Variants in IL4R observed in about 807,000 individuals in gnomAD.
The protein encoded by IL4R is interleukin 4 receptor, also known as interleukin-4 receptor subunit alpha.
A neutral mutation model predicts 41.5 loss-of-function variants in IL4R; 17 were observed. The ratio of observed to expected loss-of-function variants is 0.41; its 90% CI spans 0.28 to 0.61. The LOEUF (loss-of-function observed/expected upper bound fraction) is 0.61. IL4R is among the 20% of genes least tolerant of loss of function. IL4R has a pLI of 0.31. For synonymous variants in IL4R, 402 were observed against 422.9 expected (o/e 0.95, Z 0.61); for missense variants, 974 against 1,043.1 (o/e 0.93, Z 0.91).
intron 2 of IL4R, among the ~76,000 whole-genome samples, chr16:27,331,747 G>A (rs918073325): frequency 6.6e-6 from 1 of 151,916 alleles, no homozygotes; most frequent in East Asian, 1.9e-4. Flanking sequence ...TGGATCTGTC[G>A]ATTACCAAAA....
At chr16:27,356,093 T>C (rs145435809) in intron 8 of IL4R, among the ~76,000 whole-genome samples, 186 bp downstream of exon 8, 77,018 of 121,220 alleles carry the variant, frequency 0.64, 24,682 homozygotes, top group East Asian at 0.82. Flanking sequence ...TCTTTTTTTT[T>C]TTTTTTTTTT....
Position 27,363,383 on chromosome 16 carries a change from C to T in IL4R, c.2031C>T (p.His677=), listed in dbSNP as rs756383265. The change falls in exon 11 of 11, where the codon CAC becomes CAT. Residue 677 remains histidine (H), a synonymous_variant. Transcript: ENST00000395762. Reference sequence around the variant, plus strand: ...ATCTCCCAAGCAGCTCCCCAGAGCACCTGGGTCTGGAGCCGGGGGAAAAGG... The same window carrying T: ...ATCTCCCAAGCAGCTCCCCAGAGCATCTGGGTCTGGAGCCGGGGGAAAAGG... ...SSHLPSSSPE[H]LGLEPGEKVE... is the part of the protein sequence containing the mutation. The T allele has an allele frequency of 1.2e-6, 2 of 1,614,152 alleles. No individual in the cohort carries two copies. The highest frequency in any genetic ancestry group is 1.7e-5 in the Admixed American group (1 of 60,028).
intron 6 of IL4R, among the ~76,000 whole-genome samples, chr16:27,349,225 G>GC (rs1157638042): frequency 6.6e-6 from 1 of 152,190 alleles, no homozygotes; most frequent in Non-Finnish European, 1.5e-5. Context: ...GCAGGCAGTG[G>GC]AGTTCTGTCC....
At chr16:27,314,932 C>A (rs1333216732) in intron 1 of IL4R, among the ~76,000 whole-genome samples, 1 of 152,160 alleles carries the variant, frequency 6.6e-6, no homozygotes, top group Non-Finnish European at 1.5e-5. Context: ...CCTCGGCCTC[C>A]CAAAATGCTG....
intron 4 of IL4R, among the ~76,000 whole-genome samples, chr16:27,342,640 T>A (rs1034053215): frequency 5.3e-5 from 8 of 152,296 alleles, no homozygotes; most frequent in African/African-American, 1.7e-4. Context: ...GTGTAATTTT[T>A]AAAAAATTAA....
chr16:27,361,395 G>A (rs1002826821), intron 10 of IL4R, among the ~76,000 whole-genome samples: 13 of 151,886 alleles, frequency 8.6e-5, no homozygotes, highest in Admixed American at 2.0e-4. Context: ...TGCAGTGAGC[G>A]CAGATTGTGC....
intron 6 of IL4R, among the ~76,000 whole-genome samples, chr16:27,349,655 C>T (rs2085793996): frequency 6.6e-6 from 1 of 152,196 alleles, no homozygotes; most frequent in Admixed American, 6.5e-5. Flanking sequence ...GCCCTGAATG[C>T]CTGCCTCATA....
chr16:27,316,748 G>A (rs1249984938), intron 1 of IL4R, among the ~76,000 whole-genome samples: 2 of 152,172 alleles, frequency 1.3e-5, no homozygotes, highest in Admixed American at 6.5e-5. Context: ...TGGCTTTGCT[G>A]CTTACTGTGT....
chr16:27,317,606 G>A (rs1406692427), intron 1 of IL4R, among the ~76,000 whole-genome samples: 1 of 152,088 alleles, frequency 6.6e-6, no homozygotes, highest in African/African-American at 2.4e-5. Flanking sequence ...TGTCAGACCG[G>A]GTGCATCACC....
chr16:27,355,755 C>T (rs965587580), intron 7 of IL4R, 53 bp from the exon 8 acceptor site: 86 of 1,318,040 alleles, frequency 6.5e-5, no homozygotes, highest in Non-Finnish European at 8.8e-5. Context: ...GGAAGTGGAG[C>T]CCAGGCTGTA....
At chr16:27,321,853 G>A (rs947192316) in intron 1 of IL4R, among the ~76,000 whole-genome samples, 1 of 152,092 alleles carries the variant, frequency 6.6e-6, no homozygotes, top group Non-Finnish European at 1.5e-5. Context: ...GAGACAGATA[G>A]AATTTTTTAA....
At chr16:27,325,645 A>C (rs2084935999) in intron 1 of IL4R, among the ~76,000 whole-genome samples, 1 of 152,142 alleles carries the variant, frequency 6.6e-6, no homozygotes, top group South Asian at 2.1e-4. Flanking sequence ...GGGAGGGCTT[A>C]AAGCACCTAG....
intron 1 of IL4R, among the ~76,000 whole-genome samples, chr16:27,325,336 C>T (rs1401718572): frequency 6.6e-6 from 1 of 152,108 alleles, no homozygotes; most frequent in Non-Finnish European, 1.5e-5. Context: ...CTTTGGGAGG[C>T]TGAGGTGGGT....
intron 6 of IL4R, among the ~76,000 whole-genome samples, chr16:27,350,791 C>A (rs916647752): frequency 6.6e-6 from 1 of 152,210 alleles, no homozygotes; most frequent in Admixed American, 6.5e-5. Context: ...CCGACTCCAG[C>A]CTCCTGTTTT....
In IL4R at chr16:27,352,549, T is replaced by C. The variant is rs768161636; in HGVS notation, c.523T>C (p.Tyr175His). Residue 175 changes from tyrosine (Y) to histidine (H), a missense_variant, in exon 7 of 11, where the codon TAT becomes CAT. This residue lies in a region of IL4R where 284 missense variants were observed against 313.4 expected (regional missense o/e 0.91). Coordinates refer to ENST00000395762, the MANE Select transcript of IL4R (RefSeq NM_000418.4). ...CCCTTTTCTCTACCAGTTCAGAATC[T>C]ATAACGTGACCTACCTAGAACCCTC... ...SENDPADFRI[Y>H]NVTYLEPSLR... The C allele has an allele frequency of 2.5e-6, 4 of 1,614,040 alleles. No homozygotes were observed. In the African/African-American group the frequency reaches 5.3e-5, roughly 22 times the overall value.
chr16:27,339,707 A>T lies in IL4R; in HGVS notation c.-18-479A>T, dbSNP rs3024531. On this transcript the variant is annotated intron_variant, in intron 2 of 10. Transcript: ENST00000395762. ...TTGTGGGTCTGGGTGTTGTTTCATGATTATAGAGAGAGCTCTGTGAACGTG... is the reference window on the plus strand; with the variant it reads ...TTGTGGGTCTGGGTGTTGTTTCATGTTTATAGAGAGAGCTCTGTGAACGTG... Among the ~76,000 whole-genome samples, 496 of 152,176 alleles carry T rather than the reference A, an allele frequency of 3.3e-3. 4 individuals are homozygous for T. Among genetic ancestry groups the T allele is most frequent in the African/African-American group, 0.011 (462 of 41,530 alleles).
chr16:27,363,372 T>A lies in IL4R; in HGVS notation c.2020T>A (p.Ser674Thr). 3 of 1,613,938 alleles carry A rather than the reference T, an allele frequency of 1.9e-6. No homozygotes were observed. Among genetic ancestry groups the A allele is most frequent in the Non-Finnish European group, 2.5e-6 (3 of 1,179,968 alleles). Residue 674 changes from serine (S) to threonine (T), a missense_variant, in exon 11 of 11, where the codon TCC (serine) becomes ACC (threonine). Physicochemically the swap from Ser to Thr is moderately conservative, Grantham distance 58. This residue lies in a region of IL4R where 682 missense variants were observed against 704.3 expected (regional missense o/e 0.97). Transcript: ENST00000395762. ...SPQSSHLPSS[S>T]PEHLGLEPGE... ...GCAGAGCTCACATCTCCCAAGCAGC[T>A]CCCCAGAGCACCTGGGTCTGGAGCC...
chr16:27,343,050 G>A (rs975546760), intron 4 of IL4R, among the ~76,000 whole-genome samples: 1 of 152,194 alleles, frequency 6.6e-6, no homozygotes, highest in Admixed American at 6.5e-5. Flanking sequence ...CCTCTGTGAT[G>A]GTGGATGGAC....
rs574528642 is a variant in IL4R, at chr16:27,362,845, G to C, written c.1493G>C (p.Arg498Pro). Residue 498 changes from arginine (R) to proline (P), a missense_variant, in exon 11 of 11, where the codon CGC becomes CCC. This residue lies in a region of IL4R where 682 missense variants were observed against 704.3 expected (regional missense o/e 0.97). Transcript: ENST00000395762. ...GTCATCGCAGGCAACCCTGCTTACCGCAGCTTCAGCAACTCCCTGAGCCAG... is the reference window on the plus strand; with the variant it reads ...GTCATCGCAGGCAACCCTGCTTACCCCAGCTTCAGCAACTCCCTGAGCCAG... ...PLVIAGNPAYRSFSNSLSQSP... is the reference protein window; with the variant it reads ...PLVIAGNPAYPSFSNSLSQSP... 4 of 1,613,956 alleles carry C rather than the reference G, an allele frequency of 2.5e-6. No homozygotes were observed. The African/African-American group carries it at 5.3e-5, about 22-fold the overall frequency.
Sources: allele counts gnomAD v4.1 joint callset (sites outside exome capture counted in the v4.1 genomes callset), GRCh38; gene constraint gnomAD v4.1.1; regional missense constraint gnomAD v4.1.1; transcripts MANE v1.5; gene names NCBI Gene and HGNC (gene_info 2026-07-23, HGNC 2026-07-21).